PIWIL1: variants seen among roughly 807,000 people sequenced by gnomAD.
The protein encoded by PIWIL1 is piwi like RNA-mediated gene silencing 1.
Under a neutral mutation model 114.4 loss-of-function variants are expected in PIWIL1, and 73 were observed. The observed-to-expected ratio is 0.64, with a 90% CI of 0.53 to 0.78. PIWIL1 has a LOEUF of 0.78. Ranked by LOEUF, PIWIL1 falls within the 30% of genes least tolerant of loss-of-function variation. PIWIL1 has a pLI of 0.00. For missense variants in PIWIL1, 723 were observed against 1,063.1 expected (o/e 0.68, Z 4.45); for synonymous variants, 375 against 369.0 (o/e 1.02, Z -0.19).
chr12:130,380,052 CCCACTTCCCAT>C, the PIWIL1 span, among the ~76,000 whole-genome samples: 5 of 108,038 alleles, frequency 4.6e-5, no homozygotes, highest in African/African-American at 2.5e-4. Context: ...ACTCCCTCAT[CCCACTTCCCAT>C]CCAAGCATTG....
downstream of PIWIL1, among the ~76,000 whole-genome samples, chr12:130,376,908 C>T (rs551198887): frequency 2.6e-4 from 39 of 152,312 alleles, no homozygotes; most frequent in South Asian, 1.2e-3. Flanking sequence ...ACAGGAGACT[C>T]GGTTCTCCTC....
the PIWIL1 span, among the ~76,000 whole-genome samples, chr12:130,403,052 T>G: frequency 6.6e-6 from 1 of 152,120 alleles, no homozygotes; most frequent in Admixed American, 6.5e-5. Context: ...TTTACTGATA[T>G]GGGATATAGC....
chr12:130,371,004 G>A (rs2073802987), intron 19 of PIWIL1, among the ~76,000 whole-genome samples, 172 bp from the exon 20 acceptor site: 1 of 152,218 alleles, frequency 6.6e-6, no homozygotes, highest in African/African-American at 2.4e-5. Context: ...AGTCCCAAAT[G>A]GTTCATGAAT....
At chr12:130,350,660 A>G (rs573239806) in intron 9 of PIWIL1, among the ~76,000 whole-genome samples, 132 of 152,216 alleles carry the variant, frequency 8.7e-4, no homozygotes, top group Non-Finnish European at 1.5e-3. Context: ...GTCACATTCC[A>G]TTTGATATGT....
At chr12:130,390,403 C>G in the PIWIL1 span, among the ~76,000 whole-genome samples, 1 of 152,164 alleles carries the variant, frequency 6.6e-6, no homozygotes, top group South Asian at 2.1e-4. Flanking sequence ...CCCTTCAGAG[C>G]AGAGGGCAGG....
chr12:130,388,280 C>CT, the PIWIL1 span, among the ~76,000 whole-genome samples: 2 of 152,082 alleles, frequency 1.3e-5, no homozygotes, highest in African/African-American at 4.8e-5. Flanking sequence ...TGCCTGGCTT[C>CT]TTTTTTTCCA....
At chr12:130,368,348 G>A (rs1025372008) in intron 19 of PIWIL1, among the ~76,000 whole-genome samples, 6 of 152,186 alleles carry the variant, frequency 3.9e-5, no homozygotes, top group African/African-American at 1.4e-4. Context: ...TCTCCTGTGT[G>A]AATCTTGGGT....
At chr12:130,381,779 G>C in the PIWIL1 span, among the ~76,000 whole-genome samples, 6 of 152,182 alleles carry the variant, frequency 3.9e-5, no homozygotes, top group Admixed American at 3.3e-4. Context: ...ACTAACAAAT[G>C]AGAGTTCCTG....
rs1041676031 is a variant in PIWIL1, at chr12:130,338,100, G to A, written c.-59G>A. On this transcript the variant is annotated 5_prime_UTR_variant, in exon 1 of 21. Coordinates refer to ENST00000245255, the MANE Select transcript of PIWIL1 (RefSeq NM_004764.5). ...GGGAGCCGTTGGGGCTGTTGGCCTC[G>A]GGCTGAGGTGCAAGGACCAGGACTA... 8.9e-6 allele frequency: 2 copies of A among 223,756 alleles called. No individual in the cohort carries two copies. The highest frequency in any genetic ancestry group is 1.8e-4 in the East Asian group (1 of 5,568). 13.9% of individuals were successfully genotyped at this position (223,756 alleles called of 1,614,324 possible). A position where few individuals can be genotyped will look rare whatever the true frequency, so the allele number is the denominator to read the frequency against.
At chr12:130,406,122 A>T in the PIWIL1 span, 1 of 1,208,426 alleles carries the variant, frequency 8.3e-7, no homozygotes, top group Non-Finnish European at 1.2e-6. Flanking sequence ...ACACAAAATA[A>T]ATGAAAATAC....
At chr12:130,389,968 G>A in the PIWIL1 span, among the ~76,000 whole-genome samples, 11 of 152,248 alleles carry the variant, frequency 7.2e-5, no homozygotes, top group Non-Finnish European at 1.5e-4. Flanking sequence ...CTAAGTTAGT[G>A]CCATTTGATA....
the PIWIL1 span, among the ~76,000 whole-genome samples, chr12:130,391,940 G>A: frequency 4.0e-5 from 4 of 100,254 alleles, no homozygotes; most frequent in Non-Finnish European, 9.6e-5. Flanking sequence ...GTGATGACCC[G>A]GTCACTGTCA....
At chr12:130,415,310 T>C in the PIWIL1 span, among the ~76,000 whole-genome samples, 22 of 152,152 alleles carry the variant, frequency 1.4e-4, no homozygotes, top group Middle Eastern at 3.2e-3. Context: ...CATATGATTA[T>C]CTCAATAGTG....
chr12:130,370,990 A>T (rs1439941205), intron 19 of PIWIL1, among the ~76,000 whole-genome samples, 186 bp from the exon 20 acceptor site: 1 of 152,206 alleles, frequency 6.6e-6, no homozygotes, highest in East Asian at 1.9e-4. Context: ...TTTCACACAT[A>T]AGCAGTCCCA....
chr12:130,345,839 A>G lies in PIWIL1; in HGVS notation c.277A>G (p.Thr93Ala). ...AGATTTTCATGATCTTGGTGTGAAT[A>G]CAAGGCAGAACCTAGACCATGTTAA... ...RRDFHDLGVN[T>A]RQNLDHVKES... Residue 93 changes from threonine to alanine, a missense_variant, in exon 4 of 21, where the codon ACA becomes GCA. Physicochemically the swap from Thr to Ala is moderately conservative, Grantham distance 58. This residue lies in a region of PIWIL1 where 190 missense variants were observed against 294.4 expected (regional missense o/e 0.65). Coordinates refer to ENST00000245255, the MANE Select transcript of PIWIL1 (RefSeq NM_004764.5). The G allele has an allele frequency of 6.2e-7, 1 of 1,614,030 alleles. No homozygotes were observed. The highest frequency in any genetic ancestry group is 1.1e-5 in the South Asian group (1 of 91,066).
At chr12:130,421,691 ATGTGTGTG>A in the PIWIL1 span, among the ~76,000 whole-genome samples, 3,092 of 147,288 alleles carry the variant, frequency 0.021, 125 homozygotes, top group African/African-American at 0.075. Flanking sequence ...CTGCATTTAT[ATGTGTGTG>A]TGTGTGTGTG....
chr12:130,412,824 T>C, the PIWIL1 span: 4 of 1,583,048 alleles, frequency 2.5e-6, no homozygotes, highest in Admixed American at 5.4e-5. Context: ...AGCACTGTAA[T>C]TGATTGGTTC....
At chr12:130,399,141 T>C in the PIWIL1 span, 1 of 1,400,148 alleles carries the variant, frequency 7.1e-7, no homozygotes, top group Non-Finnish European at 9.3e-7. Context: ...CTGATTAAGG[T>C]GTGAAATGAA....
the PIWIL1 span, among the ~76,000 whole-genome samples, chr12:130,395,948 C>T: frequency 1.3e-5 from 2 of 151,158 alleles, no homozygotes; most frequent in African/African-American, 2.4e-5. Context: ...TGGACTGTTA[C>T]TGGTAGTATG....
Sources: allele counts gnomAD v4.1 joint callset (sites outside exome capture counted in the v4.1 genomes callset), GRCh38; gene constraint gnomAD v4.1.1; regional missense constraint gnomAD v4.1.1; transcripts MANE v1.5; gene names NCBI Gene and HGNC (gene_info 2026-07-23, HGNC 2026-07-21).